The following LRRC4C variants were observed in gnomAD, a reference collection of about 807,000 sequenced individuals.
LRRC4C encodes leucine rich repeat containing 4C.
In LRRC4C, 5 loss-of-function variants were observed where a neutral mutation model predicts 33.6. The observed-to-expected ratio is 0.15, with a 90% CI of 0.08 to 0.31. The LOEUF is 0.31. Ranked by LOEUF, LRRC4C falls within the 10% of genes least tolerant of loss-of-function variation. LRRC4C has a pLI of 1.00. For missense variants in LRRC4C, 560 were observed against 796.7 expected, an observed-to-expected ratio of 0.70 and a Z score of 3.58; for synonymous variants, 329 against 302.0, an observed-to-expected ratio of 1.09 and a Z score of -0.93.
At position 40,263,812 on chromosome 11, in the gene LRRC4C, GCTGCTCATC is replaced by G. The variant is rs144523596; in HGVS notation, c.-175-22223_-175-22215del. Among the ~76,000 whole-genome samples the G allele has an allele frequency of 2.5e-3, 386 of 152,258 alleles. 5 individuals are homozygous for G. The highest frequency in any genetic ancestry group is 9.0e-3 in the African/African-American group (372 of 41,530). ...TTGGAGGTGACATTCTTTAAACGAA[GCTGCTCATC>G]CTATAGTCTGATATGTGGGCATGGT... On this transcript the variant is annotated intron_variant, in intron 4 of 6. Transcript: ENST00000528697.
At chr11:41,336,302 TACA>T (rs1408512314) in intron 1 of LRRC4C, among the ~76,000 whole-genome samples, 1 of 151,898 alleles carries the variant, frequency 6.6e-6, no homozygotes, top group East Asian at 1.9e-4. Context: ...AGTATTAATC[TACA>T]ACAATGAAAA....
intron 1 of LRRC4C, among the ~76,000 whole-genome samples, chr11:41,057,926 A>G (rs355258): frequency 0.97 from 147,627 of 152,226 alleles, 71,761 homozygotes; most frequent in East Asian, 1. Flanking sequence ...CACCCTGGGA[A>G]CAGAAAGGAG....
chr11:41,049,215 T>C (rs1284387244), intron 1 of LRRC4C, among the ~76,000 whole-genome samples: 1 of 152,178 alleles, frequency 6.6e-6, no homozygotes, highest in African/African-American at 2.4e-5. Flanking sequence ...TGTGGTGGTG[T>C]ATAAGTCTCA....
chr11:41,441,264 C>T (rs1019618829), intron 1 of LRRC4C, among the ~76,000 whole-genome samples: 5 of 152,018 alleles, frequency 3.3e-5, no homozygotes, highest in African/African-American at 1.2e-4. Context: ...CCCCTCCTAG[C>T]GTTTATTTTT....
intron 3 of LRRC4C, among the ~76,000 whole-genome samples, chr11:40,385,737 T>A (rs574021732): frequency 3.3e-5 from 5 of 151,664 alleles, no homozygotes. Flanking sequence ...CATGGTGGCA[T>A]GTGCTTGTAG....
At chr11:40,605,783 C>T (rs2135841955) in intron 3 of LRRC4C, among the ~76,000 whole-genome samples, 1 of 152,282 alleles carries the variant, frequency 6.6e-6, no homozygotes, top group East Asian at 1.9e-4. Flanking sequence ...TACTCTCTTC[C>T]TCACCATAGT....
chr11:40,752,505 T>C (rs929645414), intron 2 of LRRC4C, among the ~76,000 whole-genome samples: 20 of 151,946 alleles, frequency 1.3e-4, no homozygotes, highest in Admixed American at 1.3e-4. Flanking sequence ...AAAAAACTTA[T>C]CATTTATCAT....
intron 1 of LRRC4C, among the ~76,000 whole-genome samples, chr11:41,263,689 A>G (rs964410631): frequency 2.0e-5 from 3 of 152,116 alleles, no homozygotes; most frequent in African/African-American, 7.2e-5. Context: ...GGAGTTGTTG[A>G]TGTAAGACAG....
rs534296030 is a variant in LRRC4C at position 41,197,862 on chromosome 11, T to C, written c.-496+261569A>G. ...TGGTAATAGATTGCAAGCAAATGGC[T>C]CATCACAATGCCTGACATCTGGAAA... On this transcript the variant is annotated intron_variant, in intron 1 of 6. Transcript: ENST00000528697. 4.1e-4 allele frequency among the ~76,000 whole-genome samples: 63 copies of C among 152,052 alleles called. 2 individuals carry two copies. In the South Asian group the frequency reaches 0.013, roughly 32 times the overall value.
At position 40,185,246 on chromosome 11, in the gene LRRC4C, C is replaced by G. The variant is rs1281397853; in HGVS notation, c.-95-44393G>C. Among the ~76,000 whole-genome samples, 3 of 152,108 alleles carry G rather than the reference C, an allele frequency of 2.0e-5. No homozygotes were observed. The East Asian group carries it at 5.8e-4, about 29-fold the overall frequency. On this transcript the variant is annotated intron_variant, in intron 5 of 6. Transcript: ENST00000528697. ...TATAATAACTCTTCTTCAACATCAC[C>G]CTTTTCTCAAGCAAGCATGGGCCAC...
In LRRC4C at chr11:40,851,522, A is replaced by T. The variant is rs140734884; in HGVS notation, c.-407+82113T>A. Among the ~76,000 whole-genome samples, 266 of 152,276 alleles carry T rather than the reference A, an allele frequency of 1.7e-3. 2 individuals carry two copies. Among genetic ancestry groups the T allele is most frequent in the African/African-American group, 5.5e-3 (230 of 41,552 alleles). ...TGGCTACCTCAGTTGGAAATGCAGT[A>T]ATCACCTGCCTTCTCTGTTGGTCTT... On this transcript the variant is annotated intron_variant, in intron 2 of 6. Transcript: ENST00000528697.
chr11:41,239,978 C>G (rs574465245), intron 1 of LRRC4C, among the ~76,000 whole-genome samples: 1 of 152,184 alleles, frequency 6.6e-6, no homozygotes, highest in South Asian at 2.1e-4. Flanking sequence ...ATAATTTTAC[C>G]CATTCTGGCT....
At chr11:40,401,467 C>T (rs181537438) in intron 3 of LRRC4C, among the ~76,000 whole-genome samples, 25 of 152,054 alleles carry the variant, frequency 1.6e-4, no homozygotes, top group Non-Finnish European at 1.5e-4. Context: ...CTTTGAGTAC[C>T]TTTGGTAATT....
At chr11:40,818,326 GACT>G (rs1382949210) in intron 2 of LRRC4C, among the ~76,000 whole-genome samples, 3 of 152,002 alleles carry the variant, frequency 2.0e-5, no homozygotes, top group Non-Finnish European at 4.4e-5. Context: ...TGGATGCTAA[GACT>G]TTCCCTTCCA....
intron 1 of LRRC4C, among the ~76,000 whole-genome samples, chr11:40,946,214 T>A (rs765941108): frequency 6.6e-6 from 1 of 152,196 alleles, no homozygotes; most frequent in South Asian, 2.1e-4. Context: ...TGTGTTAATT[T>A]GCTTGGAATA....
At chr11:41,149,229 G>A (rs528534362) in intron 1 of LRRC4C, among the ~76,000 whole-genome samples, 2 of 152,278 alleles carry the variant, frequency 1.3e-5, no homozygotes, top group Admixed American at 1.3e-4. Context: ...GCTGAGGCCG[G>A]GTGCGGTGGC....
chr11:40,539,205 C>A (rs966293056), intron 3 of LRRC4C, among the ~76,000 whole-genome samples: 1 of 152,182 alleles, frequency 6.6e-6, no homozygotes, highest in African/African-American at 2.4e-5. Context: ...GATGCTTTCA[C>A]ACTTAGTGTT....
intron 6 of LRRC4C, among the ~76,000 whole-genome samples, chr11:40,126,432 C>T (rs968906812): frequency 6.6e-6 from 1 of 152,114 alleles, no homozygotes; most frequent in African/African-American, 2.4e-5. Context: ...CTGCCACCAA[C>T]ATGGGGTCAT....
At chr11:41,176,406 T>A (rs542858183) in intron 1 of LRRC4C, among the ~76,000 whole-genome samples, 1 of 152,216 alleles carries the variant, frequency 6.6e-6, no homozygotes, top group African/African-American at 2.4e-5. Flanking sequence ...TCACAATAAT[T>A]CCCAGTCAAT....
Sources: gnomAD v4.1 joint callset for allele counts (sites outside exome capture counted in the v4.1 genomes callset) on GRCh38, gnomAD v4.1.1 for gene constraint, MANE v1.5 for transcripts, NCBI Gene and HGNC (gene_info 2026-07-23, HGNC 2026-07-21) for gene names.